Variants in PABPC1L observed in about 807,000 individuals in gnomAD.
PABPC1L encodes poly(A) binding protein cytoplasmic 1 like, also known as polyadenylate-binding protein 1-like.
Under a neutral mutation model 66.6 loss-of-function variants are expected in PABPC1L, and 31 were observed. The observed-to-expected ratio is 0.47, with a 90% CI of 0.35 to 0.63. PABPC1L has a LOEUF of 0.63. PABPC1L is among the 20% of genes least tolerant of loss of function. PABPC1L has a pLI of 0.00. For synonymous variants in PABPC1L, 348 were observed against 335.1 expected (o/e 1.04, Z -0.42); for missense variants, 722 against 848.8 (o/e 0.85, Z 1.86).
chr20:44,933,538 C>T (rs1316479128), intron 10 of PABPC1L, among the ~76,000 whole-genome samples: 3 of 151,528 alleles, frequency 2.0e-5, no homozygotes, highest in Non-Finnish European at 4.4e-5. Flanking sequence ...CTCCGCCTCC[C>T]AGGTTCAAGC....
At chr20:44,932,216 T>C in intron 8 of PABPC1L, 126 bp from the exon 9 acceptor site, 1 of 579,074 alleles carries the variant, frequency 1.7e-6, no homozygotes, top group Non-Finnish European at 2.9e-6. Context: ...TACAGCCTTG[T>C]GGGTCTTGAC....
In PABPC1L at chr20:44,930,657, G is replaced by A; in HGVS notation, c.1170G>A (p.Arg390=). Residue 390 remains arginine, a synonymous_variant, in exon 8 of 15, where the codon CGG becomes CGA. Coordinates refer to ENST00000217073, the MANE Select transcript of PABPC1L (RefSeq NM_001372179.1). ...NQYMQRLSTM[R]TLSNPLLGSF... is the part of the protein sequence containing the mutation. The stretch of plus-strand genomic sequence containing the variant: ...ACATGCAGCGCCTCTCCACCATGCG[G>A]ACCCTGAGCAACCCCCTCCTGGGCT... The A allele has an allele frequency of 1.2e-6, 2 of 1,614,186 alleles. No homozygotes were observed. The highest frequency in any genetic ancestry group is 8.5e-7 in the Non-Finnish European group (1 of 1,180,042).
intron 3 of PABPC1L, among the ~76,000 whole-genome samples, chr20:44,918,341 A>T (rs1367542743): frequency 6.6e-6 from 1 of 152,216 alleles, no homozygotes; most frequent in Non-Finnish European, 1.5e-5. Context: ...AAAACATAAT[A>T]AATAAAAATA....
Position 44,910,317 on chromosome 20 carries a change from C to T in PABPC1L, c.174C>T (p.Asn58=). ...TRRSLGYAYI[N]FQQPADAERA... ...GCTCGCTGGGCTACGCCTACATCAACTTCCAGCAGCCCGCGGACGGTGAGC... is the reference window on the plus strand; with the variant it reads ...GCTCGCTGGGCTACGCCTACATCAATTTCCAGCAGCCCGCGGACGGTGAGC... The change falls in exon 1 of 15, where the codon AAC becomes AAT. Residue 58 remains asparagine (N), a synonymous_variant. Coordinates refer to ENST00000217073, the MANE Select transcript of PABPC1L (RefSeq NM_001372179.1). 6 of 1,519,908 alleles carry T rather than the reference C, an allele frequency of 3.9e-6. No individual in the cohort carries two copies. The highest frequency in any genetic ancestry group is 5.3e-6 in the Non-Finnish European group (6 of 1,127,230). The allele number at this position is 1,519,908 out of a possible 1,614,324, so 94.2% of individuals were successfully genotyped here.
chr20:44,921,150 ATTTT>A (rs3092593), intron 5 of PABPC1L, among the ~76,000 whole-genome samples: 2 of 135,566 alleles, frequency 1.5e-5, no homozygotes, highest in African/African-American at 2.8e-5. Context: ...CCCAGTCCGA[ATTTT>A]TTTTTTTTTT....
At chr20:44,915,887 A>G (rs3092074) in intron 2 of PABPC1L, among the ~76,000 whole-genome samples, 56,331 of 151,894 alleles carry the variant, frequency 0.37, 10,606 homozygotes, top group Middle Eastern at 0.45. Flanking sequence ...AAGGGAAGAA[A>G]GTGAAAAACA....
chr20:44,911,839 A>G (rs1354168560), intron 1 of PABPC1L, among the ~76,000 whole-genome samples: 5 of 152,152 alleles, frequency 3.3e-5, no homozygotes, highest in Non-Finnish European at 7.3e-5. Context: ...GACTAGGTGG[A>G]GAATCCGGGC....
intron 2 of PABPC1L, among the ~76,000 whole-genome samples, chr20:44,914,400 GGGTT>G (rs1568642381): frequency 6.6e-6 from 1 of 151,816 alleles, no homozygotes; most frequent in East Asian, 1.9e-4. Context: ...AGTAGAGACG[GGGTT>G]TCACCGTGTT....
At position 44,910,570 on chromosome 20, in the gene PABPC1L, G is replaced by A. The variant is rs542029426; in HGVS notation, c.193+234G>A. ...GAGAGATTAGGGTCGAGTGAAAACA[G>A]ATACAGGCTTTGTGGGGGTGGGGGT... On this transcript the variant is annotated intron_variant, in intron 1 of 14. Coordinates refer to ENST00000217073, the MANE Select transcript of PABPC1L (RefSeq NM_001372179.1). Among the ~76,000 whole-genome samples the A allele has an allele frequency of 2.5e-3, 357 of 142,450 alleles. 3 individuals carry two copies. Among genetic ancestry groups the A allele is most frequent in the African/African-American group, 8.2e-3 (320 of 39,026 alleles). The allele number at this position is 142,450 out of a possible 152,430, so 93.5% of individuals were successfully genotyped here.
At chr20:44,926,494 C>T (rs551589993) in intron 7 of PABPC1L, among the ~76,000 whole-genome samples, 2 of 150,824 alleles carry the variant, frequency 1.3e-5, no homozygotes, top group Non-Finnish European at 1.5e-5. Context: ...CAAAGTGCTG[C>T]AATTACAAGA....
intron 5 of PABPC1L, among the ~76,000 whole-genome samples, chr20:44,919,943 A>G: frequency 6.6e-6 from 1 of 152,158 alleles, no homozygotes; most frequent in Non-Finnish European, 1.5e-5. Context: ...TGTTCAAATT[A>G]TCCATGTGTA....
intron 2 of PABPC1L, among the ~76,000 whole-genome samples, chr20:44,915,029 C>T (rs748175550): frequency 1.2e-4 from 18 of 152,128 alleles, no homozygotes; most frequent in East Asian, 3.9e-4. Flanking sequence ...ACCCAGTCAA[C>T]GTGGTTAAAT....
Position 44,937,411 on chromosome 20 carries a change from C to T in PABPC1L, c.1661-650C>T, listed in dbSNP as rs1568653945. Reference sequence around the variant, plus strand: ...GCCACATTACCCCTTCCCCTCACCCCGAAATTTTTTTTTTTTTCCCTGAGA... The same window carrying T: ...GCCACATTACCCCTTCCCCTCACCCTGAAATTTTTTTTTTTTTCCCTGAGA... On this transcript the variant is annotated intron_variant, in intron 12 of 14. Transcript: ENST00000217073. Among the ~76,000 whole-genome samples, 7 of 151,656 alleles carry T rather than the reference C, an allele frequency of 4.6e-5. No individual in the cohort carries two copies. The South Asian group carries it at 1.0e-3, about 22-fold the overall frequency.
At chr20:44,938,341 G>A (rs1288363962) in intron 13 of PABPC1L, 150 bp downstream of exon 13, 4 of 1,140,640 alleles carry the variant, frequency 3.5e-6, no homozygotes, top group East Asian at 2.6e-5. Context: ...TCTTAAGAGT[G>A]GAAGGGGCCT....
intron 5 of PABPC1L, among the ~76,000 whole-genome samples, chr20:44,920,121 G>A (rs900183022): frequency 6.6e-6 from 1 of 152,114 alleles, no homozygotes; most frequent in Non-Finnish European, 1.5e-5. Context: ...CAAGGGTTAC[G>A]TCTGTTACAA....
At chr20:44,914,410 G>A (rs896124526) in intron 2 of PABPC1L, among the ~76,000 whole-genome samples, 16 of 151,778 alleles carry the variant, frequency 1.1e-4, no homozygotes, top group Admixed American at 6.6e-4. Context: ...GGGTTTCACC[G>A]TGTTAGCCAG....
rs369306725 is a variant in PABPC1L, at chr20:44,935,460, C to T, written c.1529C>T (p.Pro510Leu). 35 of 1,614,052 alleles carry T rather than the reference C, an allele frequency of 2.2e-5. No individual in the cohort carries two copies. Among genetic ancestry groups the T allele is most frequent in the Middle Eastern group, 1.6e-4 (1 of 6,076 alleles). The change falls in exon 11 of 15, where the codon CCG becomes CTG. Residue 510 changes from proline (P) to leucine (L), a missense_variant. Pro to Leu is a moderately conservative substitution (Grantham distance 98). Coordinates refer to ENST00000217073, the MANE Select transcript of PABPC1L (RefSeq NM_001372179.1). ...TGTACACCAGGCCGGCCGCTCCTGC[C>T]GTGCAAATGTTCCTCAGCAGCACAT... ...GCCTPGRPLL[P>L]CKCSSAAHST...
At chr20:44,933,855 G>A (rs1048205498) in intron 10 of PABPC1L, among the ~76,000 whole-genome samples, 5 of 150,460 alleles carry the variant, frequency 3.3e-5, no homozygotes, top group Admixed American at 6.6e-5. Context: ...GGTTCTAAGC[G>A]ATTCTCCTGC....
chr20:44,938,653 C>A (rs980402498), intron 13 of PABPC1L, 21 bp from the exon 14 acceptor site: 9 of 1,592,584 alleles, frequency 5.7e-6, no homozygotes, highest in African/African-American at 1.3e-5. Context: ...ACTAAGCCCC[C>A]CCGCCACTCA....
Sources: allele counts gnomAD v4.1 joint callset (sites outside exome capture counted in the v4.1 genomes callset), GRCh38; gene constraint gnomAD v4.1.1; transcripts MANE v1.5; gene names NCBI Gene and HGNC (gene_info 2026-07-23, HGNC 2026-07-21).